Variants in RANBP2 observed in about 807,000 individuals in gnomAD.
The protein encoded by RANBP2 is E3 SUMO-protein ligase RanBP2.
RANBP2 carries 57 observed loss-of-function variants against 303.6 expected under a neutral mutation model. That is an observed-to-expected ratio of 0.19 (90% CI 0.15 to 0.23). The LOEUF is 0.23. Among genes scored for constraint, RANBP2 ranks in the 10% least tolerant of loss-of-function variants. The pLI is 1.00. For synonymous variants in RANBP2, 1,167 were observed against 1,301.5 expected (o/e 0.90, Z 2.23); for missense variants, 3,138 against 3,780.8 (o/e 0.83, Z 4.46).
chr2:109,576,905 C>T, the RANBP2 span, among the ~76,000 whole-genome samples: 1 of 152,058 alleles, frequency 6.6e-6, no homozygotes, highest in African/African-American at 2.4e-5. Flanking sequence ...GAAAAGAGGG[C>T]AGAAGCAATA....
At chr2:109,526,988 G>C in the RANBP2 span, among the ~76,000 whole-genome samples, 2,762 of 152,272 alleles carry the variant, frequency 0.018, 76 homozygotes, top group African/African-American at 0.062. Flanking sequence ...GTCTAATGAG[G>C]ATAGTGCTTG....
chr2:108,876,046 C>CT, the RANBP2 span: 15 of 1,326,262 alleles, frequency 1.1e-5, no homozygotes, highest in African/African-American at 7.3e-5. Flanking sequence ...GATAAACTCT[C>CT]TAAGTATGTG....
At chr2:109,643,011 C>T in the RANBP2 span, among the ~76,000 whole-genome samples, 3 of 151,678 alleles carry the variant, frequency 2.0e-5, no homozygotes, top group Non-Finnish European at 2.9e-5. Context: ...CCTGTCTCTA[C>T]TAAAATTTTT....
chr2:108,977,228 C>G, the RANBP2 span, among the ~76,000 whole-genome samples: 886 of 152,214 alleles, frequency 5.8e-3, 36 homozygotes, highest in Admixed American at 0.055. Context: ...GCCTTTGCCG[C>G]CGGGAGATCT....
chr2:108,916,698 C>T, the RANBP2 span, among the ~76,000 whole-genome samples: 3 of 152,106 alleles, frequency 2.0e-5, no homozygotes, highest in African/African-American at 4.8e-5. Flanking sequence ...AGCACGTGTG[C>T]GCAGCCGAGG....
chr2:109,287,728 A>T, the RANBP2 span, among the ~76,000 whole-genome samples: 1 of 151,934 alleles, frequency 6.6e-6, no homozygotes, highest in Admixed American at 6.6e-5. Context: ...CTCTGCACAG[A>T]GCTCTTCTCT....
chr2:108,824,498 G>A, the RANBP2 span, among the ~76,000 whole-genome samples: 5 of 151,996 alleles, frequency 3.3e-5, no homozygotes, highest in African/African-American at 9.7e-5. Context: ...GAAGGTCTTC[G>A]GGGCAATAAC....
At chr2:108,886,427 T>A in the RANBP2 span, among the ~76,000 whole-genome samples, 1 of 152,300 alleles carries the variant, frequency 6.6e-6, no homozygotes, top group East Asian at 1.9e-4. Flanking sequence ...TTTATTTATT[T>A]TTTTTGAGAC....
the RANBP2 span, among the ~76,000 whole-genome samples, chr2:109,677,697 C>T: frequency 3.2e-3 from 492 of 152,342 alleles, 2 homozygotes; most frequent in African/African-American, 0.012. Flanking sequence ...CAATCCCTGT[C>T]TCTGACAACA....
At chr2:109,376,306 G>A in the RANBP2 span, among the ~76,000 whole-genome samples, 1 of 152,212 alleles carries the variant, frequency 6.6e-6, no homozygotes, top group African/African-American at 2.4e-5. Context: ...GGGTGTGGAC[G>A]CTTAGGAGAG....
At chr2:108,899,496 A>G in the RANBP2 span, among the ~76,000 whole-genome samples, 1 of 151,282 alleles carries the variant, frequency 6.6e-6, no homozygotes, top group African/African-American at 2.4e-5. Context: ...AAAAGAACAT[A>G]GTGAGCAAAA....
the RANBP2 span, chr2:109,544,312 C>A: frequency 1.3e-6 from 2 of 1,582,516 alleles, no homozygotes; most frequent in Non-Finnish European, 1.7e-6. Context: ...TTCTGTTTTA[C>A]AAAAAATTGG....
the RANBP2 span, among the ~76,000 whole-genome samples, chr2:109,600,097 C>A: frequency 6.6e-6 from 1 of 152,176 alleles, no homozygotes; most frequent in African/African-American, 2.4e-5. Context: ...CCCTAGGCAG[C>A]TGGTAGTTGA....
chr2:109,320,537 T>C, the RANBP2 span, among the ~76,000 whole-genome samples: 5 of 152,216 alleles, frequency 3.3e-5, no homozygotes, highest in Non-Finnish European at 7.3e-5. Context: ...ACCTGCTGGA[T>C]ACATGTTTGT....
At chr2:108,737,293 G>A (rs2949973) in intron 6 of RANBP2, among the ~76,000 whole-genome samples, 3,885 of 150,434 alleles carry the variant, frequency 0.026, 164 homozygotes, top group African/African-American at 0.09. Flanking sequence ...TAAGGACATC[G>A]AAGATCTTTG....
At chr2:109,383,188 G>A in the RANBP2 span, among the ~76,000 whole-genome samples, 25 of 152,374 alleles carry the variant, frequency 1.6e-4, no homozygotes, top group African/African-American at 5.3e-4. Flanking sequence ...GAGAGATTTG[G>A]CACTGGGTGC....
At chr2:109,739,360 TCTA>T in the RANBP2 span, among the ~76,000 whole-genome samples, 1 of 149,262 alleles carries the variant, frequency 6.7e-6, no homozygotes. Flanking sequence ...TATTAATTCT[TCTA>T]ATCCATAAAT....
At chr2:109,743,121 A>T in the RANBP2 span, among the ~76,000 whole-genome samples, 1 of 147,738 alleles carries the variant, frequency 6.8e-6, no homozygotes, top group South Asian at 2.2e-4. Flanking sequence ...AAATTTAAAA[A>T]TTAGCTGAGT....
chr2:109,501,403 C>A, the RANBP2 span: 2 of 565,010 alleles, frequency 3.5e-6, no homozygotes, highest in South Asian at 2.5e-5. Context: ...GGGAAAATAG[C>A]AGCAAATAAC....
Sources: allele counts gnomAD v4.1 joint callset (sites outside exome capture counted in the v4.1 genomes callset), GRCh38; gene constraint gnomAD v4.1.1; transcripts MANE v1.5; gene names NCBI Gene and HGNC (gene_info 2026-07-23, HGNC 2026-07-21).